The following YTHDC2 variants were observed in gnomAD, a reference collection of about 807,000 sequenced individuals.
YTHDC2 encodes 3'-5' RNA helicase YTHDC2.
Under a neutral mutation model 174.9 loss-of-function variants are expected in YTHDC2, and 45 were observed. The observed-to-expected ratio is 0.26, with a 90% CI of 0.20 to 0.33. YTHDC2 has a LOEUF of 0.33. YTHDC2 is among the 10% of genes least tolerant of loss of function. The pLI, the probability that YTHDC2 is intolerant of heterozygous loss-of-function variation, is 1.00. For synonymous variants in YTHDC2, 657 were observed against 574.5 expected (o/e 1.14, Z -2.05); for missense variants, 1,650 against 1,723.7 (o/e 0.96, Z 0.76).
intron 18 of YTHDC2, among the ~76,000 whole-genome samples, chr5:113,561,957 G>GGGGT (rs1554099023): frequency 3.3e-4 from 45 of 134,960 alleles, no homozygotes; most frequent in African/African-American, 1.0e-3. Flanking sequence ...ATTAATTGTG[G>GGGGT]GTGTGTGTGT....
chr5:113,579,962 C>G lies in YTHDC2; in HGVS notation c.3354+267C>G, dbSNP rs1414478569. 3.1e-6 allele frequency: 3 copies of G among 976,980 alleles called. No homozygotes were observed. The East Asian group carries it at 3.4e-4, about 111-fold the overall frequency. 60.5% of individuals were successfully genotyped at this position (976,980 alleles called of 1,614,324 possible). A position where few individuals can be genotyped will look rare whatever the true frequency, so the allele number is the denominator to read the frequency against. On this transcript the variant is annotated intron_variant, in intron 24 of 29. Coordinates refer to ENST00000161863, the MANE Select transcript of YTHDC2 (RefSeq NM_022828.5). Reference sequence around the variant, plus strand: ...TGCTGCTATAGTAATTTATAAAGAACAGAAATTTATTTCTCACAGTTCTGA... The same window carrying G: ...TGCTGCTATAGTAATTTATAAAGAAGAGAAATTTATTTCTCACAGTTCTGA...
chr5:113,557,821 A>C (rs1167652725), intron 17 of YTHDC2, among the ~76,000 whole-genome samples: 4 of 152,158 alleles, frequency 2.6e-5, no homozygotes, highest in Non-Finnish European at 5.9e-5. Context: ...AATAACAAAT[A>C]GTATATTATT....
chr5:113,593,586 T>C lies in YTHDC2; in HGVS notation c.*112T>C. ...TGTTACGAATGGGCTTTTTAACACTTTTAGAGTGTTGCTTTAGAACTACCA... is the reference window on the plus strand; with the variant it reads ...TGTTACGAATGGGCTTTTTAACACTCTTAGAGTGTTGCTTTAGAACTACCA... On this transcript the variant is annotated 3_prime_UTR_variant, in exon 30 of 30. Coordinates refer to ENST00000161863, the MANE Select transcript of YTHDC2 (RefSeq NM_022828.5). The C allele has an allele frequency of 2.3e-6, 1 of 427,074 alleles. No homozygotes were observed. Among genetic ancestry groups the C allele is most frequent in the South Asian group, 4.6e-5 (1 of 21,556 alleles). 26.5% of individuals were successfully genotyped at this position (427,074 alleles called of 1,614,324 possible). A position where few individuals can be genotyped will look rare whatever the true frequency, so the allele number is the denominator to read the frequency against.
At chr5:113,529,915 A>G (rs1254065044) in intron 4 of YTHDC2, among the ~76,000 whole-genome samples, 2 of 152,064 alleles carry the variant, frequency 1.3e-5, no homozygotes, top group Admixed American at 1.3e-4. Flanking sequence ...CCCTAAGATT[A>G]ATGGACATTT....
At chr5:113,575,259 T>C (rs911126034) in intron 23 of YTHDC2, among the ~76,000 whole-genome samples, 1 of 152,224 alleles carries the variant, frequency 6.6e-6, no homozygotes, top group African/African-American at 2.4e-5. Flanking sequence ...AATTATTTGC[T>C]ATTTAATGAT....
Position 113,581,526 on chromosome 5 carries a change from C to T in YTHDC2, c.3464C>T (p.Ala1155Val). Residue 1155 changes from alanine to valine, a missense_variant, in exon 25 of 30, where the codon GCA becomes GTA. Physicochemically the swap from Ala to Val is moderately conservative, Grantham distance 64 (BLOSUM62 0). Transcript: ENST00000161863. Reference sequence around the variant, plus strand: ...CAAGTTGATGAAGCTACCATAAGAGCAATTATAGCTGTTTTAAGCACTGAA... The same window carrying T: ...CAAGTTGATGAAGCTACCATAAGAGTAATTATAGCTGTTTTAAGCACTGAA... ...WSQVDEATIR[A>V]IIAVLSTEEQ... 1 of 1,613,944 alleles carries T rather than the reference C, an allele frequency of 6.2e-7. No homozygotes were observed. The highest frequency in any genetic ancestry group is 8.5e-7 in the Non-Finnish European group (1 of 1,179,882).
rs747327637 is a variant in YTHDC2 at position 113,535,735 on chromosome 5, T to A, written c.1039T>A (p.Ser347Thr). 6.2e-7 allele frequency: 1 copy of A among 1,613,710 alleles called. No individual in the cohort carries two copies. The highest frequency in any genetic ancestry group is 8.5e-7 in the Non-Finnish European group (1 of 1,179,852). The change falls in exon 7 of 30, where the codon TCT becomes ACT. Residue 347 changes from serine (S) to threonine (T), a missense_variant. Physicochemically the swap from Ser to Thr is moderately conservative, Grantham distance 58 (BLOSUM62 1). Around this residue, in one of 5 missense-constraint regions of YTHDC2, gnomAD observed 411 missense variants for 380.6 expected, o/e 1.08. Transcript: ENST00000161863. ...GCACCCAACTTTGAAACTAATTCTT[T>A]CTAGTGCTGCCTTGGATGTAAATCT... ...QKHPTLKLIL[S>T]SAALDVNLFI... is the part of the protein sequence containing the mutation.
chr5:113,542,877 T>C (rs894306057), intron 10 of YTHDC2, among the ~76,000 whole-genome samples: 48 of 152,350 alleles, frequency 3.2e-4, no homozygotes, highest in Non-Finnish European at 6.8e-4. Context: ...AGCATTATAA[T>C]TGTAATTATT....
intron 9 of YTHDC2, 132 bp downstream of exon 9, chr5:113,541,248 G>T: frequency 1.0e-6 from 1 of 1,003,942 alleles, no homozygotes; most frequent in Non-Finnish European, 1.5e-6. Flanking sequence ...CTGGAGTGGA[G>T]TGGCGTGATC....
Position 113,553,969 on chromosome 5 carries a change from A to G in YTHDC2, c.2080A>G (p.Ser694Gly). Residue 694 changes from serine (S) to glycine (G), a missense_variant, in exon 16 of 30, where the codon AGC (serine) becomes GGC (glycine). Transcript: ENST00000161863. Reference sequence around the variant, plus strand: ...TCTTTCCACCAATATTGCTGAAACCAGCATCACAGTCAATGATGTTGTCTT... The same window carrying G: ...TCTTTCCACCAATATTGCTGAAACCGGCATCACAGTCAATGATGTTGTCTT... Reference protein sequence around the residue: ...IILSTNIAETSITVNDVVFVI... With the variant: ...IILSTNIAETGITVNDVVFVI... 1 of 1,587,024 alleles carries G rather than the reference A, an allele frequency of 6.3e-7. No homozygotes were observed. The highest frequency in any genetic ancestry group is 8.6e-7 in the Non-Finnish European group (1 of 1,168,840).
chr5:113,572,897 T>C (rs981260577), intron 23 of YTHDC2, among the ~76,000 whole-genome samples: 11 of 152,226 alleles, frequency 7.2e-5, no homozygotes, highest in African/African-American at 7.2e-5. Flanking sequence ...TCGTGGGTCT[T>C]GGCTCTTTAT....
intron 19 of YTHDC2, 121 bp downstream of exon 19, chr5:113,563,613 C>T: frequency 8.9e-7 from 1 of 1,123,416 alleles, no homozygotes; most frequent in Non-Finnish European, 1.2e-6. Flanking sequence ...TGCATGTGTC[C>T]AGATAAACTA....
intron 20 of YTHDC2, 85 bp from the exon 21 acceptor site, chr5:113,565,808 C>A: frequency 7.4e-7 from 1 of 1,357,854 alleles, no homozygotes; most frequent in South Asian, 1.9e-5. Context: ...TCGAGGAATT[C>A]GTGTAGTGAT....
intron 23 of YTHDC2, among the ~76,000 whole-genome samples, chr5:113,569,546 T>G (rs1777579639): frequency 1.3e-5 from 2 of 152,210 alleles, no homozygotes; most frequent in South Asian, 4.1e-4. Flanking sequence ...GGGCCCAGTT[T>G]CAGTTTTCTG....
intron 17 of YTHDC2, among the ~76,000 whole-genome samples, chr5:113,557,475 G>C (rs1776689635): frequency 6.6e-6 from 1 of 152,104 alleles, no homozygotes. Flanking sequence ...CATTAAGCTG[G>C]ATGTCCCTGC....
At chr5:113,540,493 T>C (rs1291844484) in intron 8 of YTHDC2, among the ~76,000 whole-genome samples, 2 of 152,184 alleles carry the variant, frequency 1.3e-5, no homozygotes, top group Non-Finnish European at 2.9e-5. Context: ...TCTGCATGGC[T>C]GGGGAGGCCT....
At chr5:113,517,148 C>A (rs373445627) in intron 2 of YTHDC2, among the ~76,000 whole-genome samples, 12 of 152,222 alleles carry the variant, frequency 7.9e-5, no homozygotes, top group African/African-American at 2.9e-4. Context: ...CACCTTTAGT[C>A]ACATTTATAT....
chr5:113,586,590 C>G (rs1778692567), intron 26 of YTHDC2, among the ~76,000 whole-genome samples: 1 of 151,476 alleles, frequency 6.6e-6, no homozygotes, highest in Non-Finnish European at 1.5e-5. Flanking sequence ...GTACCAAACC[C>G]AAGATCATAA....
Position 113,583,430 on chromosome 5 carries a change from G to T in YTHDC2, c.3648-872G>T, listed in dbSNP as rs562326073. The T allele has an allele frequency of 2.0e-5, 3 of 151,978 alleles. No individual in the cohort carries two copies. In the East Asian group the frequency reaches 5.8e-4, roughly 29 times the overall value. The allele number at this position is 151,978 out of a possible 1,614,324, so 9.4% of individuals were successfully genotyped here. A position where few individuals can be genotyped will look rare whatever the true frequency, so the allele number is the denominator to read the frequency against. On this transcript the variant is annotated intron_variant, in intron 25 of 29. Coordinates refer to ENST00000161863, the MANE Select transcript of YTHDC2 (RefSeq NM_022828.5). ...TGTCCTACATTCTGAATTTGTCTCT[G>T]TTTTTTTCCTGGCACTATTTATTTC...
Sources: allele counts gnomAD v4.1 joint callset (sites outside exome capture counted in the v4.1 genomes callset), GRCh38; gene constraint gnomAD v4.1.1; regional missense constraint gnomAD v4.1.1; transcripts MANE v1.5; gene names NCBI Gene and HGNC (gene_info 2026-07-23, HGNC 2026-07-21).